Variants in LINC00305 observed in about 807,000 individuals in gnomAD.
The protein encoded by LINC00305 is long intergenic non-protein coding RNA 305.
chr18:64,087,935 C>CAA (rs57249097), intron 3 of LINC00305, among the ~76,000 whole-genome samples: 2,792 of 148,018 alleles, frequency 0.019, 80 homozygotes, highest in African/African-American at 0.065. Flanking sequence ...CCCAAAACTA[C>CAA]AAAAAAAAAC....
intron 1 of LINC00305, among the ~76,000 whole-genome samples, chr18:64,131,631 A>G (rs539759453): frequency 6.6e-6 from 1 of 152,238 alleles, no homozygotes; most frequent in Non-Finnish European, 1.5e-5. Context: ...CAGCATTTAT[A>G]TAATGGTTTC....
At chr18:64,138,962 C>T (rs772522470) in intron 1 of LINC00305, among the ~76,000 whole-genome samples, 5 of 152,120 alleles carry the variant, frequency 3.3e-5, no homozygotes, top group Non-Finnish European at 5.9e-5. Context: ...TGCATGCAGA[C>T]GGTATCAGTA....
chr18:64,080,174 T>C, exon 4 of LINC00305: 2 of 275,760 alleles, frequency 7.3e-6, no homozygotes, highest in Non-Finnish European at 7.3e-6. Context: ...CAATGGATTA[T>C]GCTTATATTC....
chr18:64,144,816 C>G (rs565690669), intron 1 of LINC00305, among the ~76,000 whole-genome samples: 1 of 152,188 alleles, frequency 6.6e-6, no homozygotes, highest in Admixed American at 6.5e-5. Flanking sequence ...GGATGTGCTT[C>G]CCCCTGCAGA....
intron 1 of LINC00305, among the ~76,000 whole-genome samples, chr18:64,140,913 G>T (rs1363036794): frequency 2.6e-5 from 4 of 152,048 alleles, no homozygotes; most frequent in East Asian, 3.9e-4. Context: ...TGCTGGCTTT[G>T]CAGGGGAGGA....
chr18:64,131,163 C>A (rs111658693), intron 1 of LINC00305, among the ~76,000 whole-genome samples: 1 of 152,136 alleles, frequency 6.6e-6, no homozygotes, highest in East Asian at 1.9e-4. Flanking sequence ...AGAAATAATA[C>A]GTTCATCAAT....
chr18:64,139,542 T>C (rs1350701316), intron 1 of LINC00305: 2 of 152,232 alleles, frequency 1.3e-5, no homozygotes, highest in Non-Finnish European at 2.9e-5. Context: ...ATCATATCTT[T>C]GGGTGAGGCA....
intron 3 of LINC00305, among the ~76,000 whole-genome samples, chr18:64,080,918 G>A (rs188873523): frequency 1.3e-5 from 2 of 151,954 alleles, no homozygotes; most frequent in African/African-American, 2.4e-5. Flanking sequence ...AAAAGAAAAA[G>A]AAAACTATTT....
intron 1 of LINC00305, among the ~76,000 whole-genome samples, chr18:64,110,261 G>A (rs758659390): frequency 3.2e-4 from 48 of 152,252 alleles, no homozygotes; most frequent in Non-Finnish European, 6.0e-4. Context: ...GTTTGTTATC[G>A]TAGCATAACC....
chr18:64,095,813 G>A (rs2051242867), intron 3 of LINC00305, among the ~76,000 whole-genome samples: 1 of 151,966 alleles, frequency 6.6e-6, no homozygotes, highest in African/African-American at 2.4e-5. Context: ...AAAACAAATG[G>A]AACTATTTGA....
chr18:64,122,188 TAA>T (rs1334442804), intron 1 of LINC00305, among the ~76,000 whole-genome samples: 1 of 152,154 alleles, frequency 6.6e-6, no homozygotes, highest in South Asian at 2.1e-4. Context: ...CTTTTTAGTT[TAA>T]GTCTCATTTG....
intron 1 of LINC00305, among the ~76,000 whole-genome samples, chr18:64,140,157 C>G (rs1042334863): frequency 6.6e-6 from 1 of 152,098 alleles, no homozygotes; most frequent in Non-Finnish European, 1.5e-5. Flanking sequence ...TCTGACTATC[C>G]AATCGGAATT....
chr18:64,130,860 G>A (rs966649271), intron 1 of LINC00305, among the ~76,000 whole-genome samples: 3 of 152,166 alleles, frequency 2.0e-5, no homozygotes, highest in African/African-American at 7.2e-5. Context: ...TGCATAGGAA[G>A]GAGATATGGT....
chr18:64,139,246 G>A (rs1419585954), intron 1 of LINC00305, among the ~76,000 whole-genome samples: 1 of 152,170 alleles, frequency 6.6e-6, no homozygotes, highest in Non-Finnish European at 1.5e-5. Flanking sequence ...TCTAAACAAG[G>A]TTATCTTTAC....
rs538793624 is a variant in LINC00305, at chr18:64,125,959, T to A, written n.314+22816A>T. 4.6e-5 allele frequency among the ~76,000 whole-genome samples: 7 copies of A among 152,244 alleles called. No individual in the cohort carries two copies. The East Asian group carries it at 9.7e-4, about 21-fold the overall frequency. On this transcript the variant is annotated intron_variant and non_coding_transcript_variant, in intron 1 of 3. Coordinates refer to ENST00000666468, the Ensembl canonical transcript of LINC00305. Reference sequence around the variant, plus strand: ...AAGAAAATCCTTCCTGGACACTATTTCCTTGATCTTGGGCTTCTCAGCCTC... The same window carrying A: ...AAGAAAATCCTTCCTGGACACTATTACCTTGATCTTGGGCTTCTCAGCCTC...
At chr18:64,081,990 A>G (rs141262789) in intron 3 of LINC00305, among the ~76,000 whole-genome samples, 168 of 152,310 alleles carry the variant, frequency 1.1e-3, no homozygotes, top group African/African-American at 3.8e-3. Context: ...AAACCAAATC[A>G]CATTTGGTCC....
At chr18:64,115,101 T>C (rs954627510) in intron 1 of LINC00305, among the ~76,000 whole-genome samples, 12 of 152,354 alleles carry the variant, frequency 7.9e-5, no homozygotes, top group Admixed American at 2.0e-4. Flanking sequence ...GAAAGCCGTG[T>C]GCTGAAATTT....
chr18:64,125,252 T>G (rs1401925130), intron 1 of LINC00305, among the ~76,000 whole-genome samples: 1 of 152,056 alleles, frequency 6.6e-6, no homozygotes, highest in African/African-American at 2.4e-5. Context: ...TCACCCTGCC[T>G]TTAGCACTCA....
intron 1 of LINC00305, among the ~76,000 whole-genome samples, chr18:64,115,716 CT>C (rs2051334613): frequency 6.6e-6 from 1 of 152,156 alleles, no homozygotes; most frequent in Admixed American, 6.5e-5. Flanking sequence ...CCTTGCCTTC[CT>C]TTTTTTAAAT....
Sources: gnomAD v4.1 joint callset for allele counts (sites outside exome capture counted in the v4.1 genomes callset) on GRCh38, gnomAD v4.1.1 for gene constraint, MANE v1.5 for transcripts, NCBI Gene and HGNC (gene_info 2026-07-23, HGNC 2026-07-21) for gene names.